TYR: variants seen among roughly 807,000 people sequenced by gnomAD.
TYR encodes tyrosinase, also known as LB24-AB.
TYR carries 58 observed loss-of-function variants against 51.5 expected under a neutral mutation model. The ratio of observed to expected loss-of-function variants is 1.13; its 90% CI spans 0.91 to 1.40. The LOEUF (loss-of-function observed/expected upper bound fraction) is 1.40. Among genes scored for constraint, TYR ranks in the 40% most tolerant of loss-of-function variants. The pLI is 0.00. For synonymous variants in TYR, 263 were observed against 235.2 expected (o/e 1.12, Z -1.08); for missense variants, 732 against 647.4 (o/e 1.13, Z -1.42).
intron 4 of TYR, among the ~76,000 whole-genome samples, chr11:89,292,338 G>A (rs2135330292): frequency 6.6e-6 from 1 of 152,058 alleles, no homozygotes; most frequent in South Asian, 2.1e-4. Context: ...TATACTATTG[G>A]CCTTCAATGA....
intron 3 of TYR, among the ~76,000 whole-genome samples, chr11:89,247,300 A>C (rs1211228670): frequency 6.6e-6 from 1 of 152,160 alleles, no homozygotes; most frequent in Non-Finnish European, 1.5e-5. Context: ...CACATAGGAG[A>C]CATTCATTAC....
chr11:89,221,320 G>T lies in TYR; in HGVS notation c.1037-6503G>T, dbSNP rs557323143. Among the ~76,000 whole-genome samples the T allele has an allele frequency of 2.0e-5, 3 of 152,306 alleles. No homozygotes were observed. In the South Asian group the frequency reaches 6.2e-4, roughly 32 times the overall value. The stretch of plus-strand genomic sequence containing the variant: ...TAATTACATAGTATGAAACACTCAT[G>T]CACCACTTCATTTGCTTCGTTACTC... On this transcript the variant is annotated intron_variant, in intron 2 of 4. Transcript: ENST00000263321.
intron 3 of TYR, chr11:89,283,877 A>C (rs1944749292): frequency 6.6e-6 from 1 of 151,798 alleles, no homozygotes; most frequent in Admixed American, 6.6e-5. Flanking sequence ...TGCCTGATTT[A>C]AGTAGGAAAA....
chr11:89,231,737 A>C (rs1693397031), intron 3 of TYR, among the ~76,000 whole-genome samples: 1 of 142,324 alleles, frequency 7.0e-6, no homozygotes, highest in South Asian at 2.3e-4. Flanking sequence ...TACTCATAGC[A>C]CTTTGGGAGG....
chr11:89,259,952 T>C (rs947599192), intron 3 of TYR, among the ~76,000 whole-genome samples: 13 of 152,248 alleles, frequency 8.5e-5, no homozygotes, highest in African/African-American at 2.9e-4. Context: ...CTTAAGAACA[T>C]TGTTTTAATT....
intron 3 of TYR, among the ~76,000 whole-genome samples, chr11:89,230,274 T>C (rs948235931): frequency 9.2e-5 from 14 of 151,962 alleles, no homozygotes; most frequent in African/African-American, 2.9e-4. Flanking sequence ...CCAAAAACAA[T>C]GGGGAAAGGA....
chr11:89,263,268 T>C (rs954735088), intron 3 of TYR, among the ~76,000 whole-genome samples: 6 of 151,916 alleles, frequency 3.9e-5, no homozygotes, highest in African/African-American at 9.7e-5. Flanking sequence ...CATGGTCATC[T>C]CAATAGGTGC....
chr11:89,291,432 T>A (rs1944852127), intron 4 of TYR, among the ~76,000 whole-genome samples: 1 of 152,010 alleles, frequency 6.6e-6, no homozygotes, highest in Admixed American at 6.5e-5. Flanking sequence ...ATTAATTGCA[T>A]CAGGTACTTT....
chr11:89,178,918 T>A, intron 1 of TYR, 146 bp downstream of exon 1: 1 of 777,908 alleles, frequency 1.3e-6, no homozygotes, highest in Non-Finnish European at 2.2e-6. Flanking sequence ...TCTCAATGTA[T>A]CTTGTATTTT....
At chr11:89,233,607 A>T (rs1944077568) in intron 3 of TYR, among the ~76,000 whole-genome samples, 1 of 141,942 alleles carries the variant, frequency 7.0e-6, no homozygotes, top group Non-Finnish European at 1.5e-5. Flanking sequence ...TTACTCTCTG[A>T]TCCATGGGCT....
chr11:89,284,773 T>C lies in TYR; in HGVS notation c.1185T>C (p.Ser395=), dbSNP rs763863353. Residue 395 remains serine (S), a splice_region_variant and synonymous_variant, in exon 4 of 5, where the codon AGT becomes AGC. Coordinates refer to ENST00000263321, the MANE Select transcript of TYR (RefSeq NM_000372.5). The part of the protein sequence containing the change: ...IFLLHHAFVD[S]IFEQWLRRHR... ...GTCTGAATAACCTTTTCCTCTGCAG[T>C]ATTTTTGAGCAGTGGCTCCGAAGGC... The C allele has an allele frequency of 2.5e-6, 4 of 1,611,314 alleles. No individual in the cohort carries two copies. The African/African-American group carries it at 4.0e-5, about 16-fold the overall frequency.
At chr11:89,224,597 A>T (rs960514058) in intron 2 of TYR, among the ~76,000 whole-genome samples, 2 of 152,122 alleles carry the variant, frequency 1.3e-5, no homozygotes, top group African/African-American at 4.8e-5. Flanking sequence ...TTCCAAATGA[A>T]TCTGATTGAG....
At chr11:89,228,233 T>C (rs896990147) in intron 3 of TYR, among the ~76,000 whole-genome samples, 1 of 152,136 alleles carries the variant, frequency 6.6e-6, no homozygotes. Flanking sequence ...ACAATGTCAG[T>C]TGAAATCCAA....
chr11:89,272,399 T>C (rs573376999), intron 3 of TYR, among the ~76,000 whole-genome samples: 7 of 151,968 alleles, frequency 4.6e-5, no homozygotes, highest in East Asian at 3.9e-4. Context: ...GAAATCTTTT[T>C]TTTTTTTTGA....
chr11:89,247,153 T>C (rs573892339), intron 3 of TYR, among the ~76,000 whole-genome samples: 1 of 152,306 alleles, frequency 6.6e-6, no homozygotes, highest in Admixed American at 6.5e-5. Flanking sequence ...TTTGATGTTA[T>C]TGTTAGATTT....
chr11:89,224,713 A>G (rs1591166366), intron 2 of TYR, among the ~76,000 whole-genome samples: 1 of 152,192 alleles, frequency 6.6e-6, no homozygotes, highest in East Asian at 1.9e-4. Flanking sequence ...TTCTCAATAC[A>G]GTCTGCTCCC....
At chr11:89,227,209 A>T (rs1049816694) in intron 2 of TYR, among the ~76,000 whole-genome samples, 4 of 152,194 alleles carry the variant, frequency 2.6e-5, no homozygotes, top group Admixed American at 6.6e-5. Flanking sequence ...TCTTATTAAA[A>T]TTTTTCCCAT....
At chr11:89,194,473 T>C (rs1943489784) in intron 2 of TYR, among the ~76,000 whole-genome samples, 1 of 151,912 alleles carries the variant, frequency 6.6e-6, no homozygotes, top group Non-Finnish European at 1.5e-5. Context: ...CCTTGTTTAA[T>C]AAACTGTCTA....
intron 2 of TYR, among the ~76,000 whole-genome samples, chr11:89,217,386 G>T (rs1171625392): frequency 3.9e-5 from 6 of 152,088 alleles, no homozygotes; most frequent in African/African-American, 1.2e-4. Flanking sequence ...CTTCCCTATG[G>T]CTATGTTAGT....
Sources: allele counts gnomAD v4.1 joint callset (sites outside exome capture counted in the v4.1 genomes callset), GRCh38; gene constraint gnomAD v4.1.1; transcripts MANE v1.5; gene names NCBI Gene and HGNC (gene_info 2026-07-23, HGNC 2026-07-21).